MYO3B: variants seen among roughly 807,000 people sequenced by gnomAD.
The protein encoded by MYO3B is myosin IIIB.
In MYO3B, 156 loss-of-function variants were observed where a neutral mutation model predicts 174.6. The observed-to-expected ratio is 0.89, with a 90% confidence interval of 0.78 to 1.02. MYO3B has a LOEUF of 1.02. Among genes scored for constraint, MYO3B ranks in the 50% least tolerant of loss-of-function variants. MYO3B has a pLI of 0.00. For missense variants in MYO3B, 1,632 were observed against 1,639.4 expected, an observed-to-expected ratio of 1.00 and a Z score of 0.08; for synonymous variants, 563 against 569.1, an observed-to-expected ratio of 0.99 and a Z score of 0.15.
At chr2:170,254,303 C>T (rs930466941) in intron 7 of MYO3B, among the ~76,000 whole-genome samples, 4 of 152,202 alleles carry the variant, frequency 2.6e-5, no homozygotes, top group Non-Finnish European at 2.9e-5. Context: ...AGGTTACACT[C>T]ATGTGGGGCA....
Position 170,191,924 on chromosome 2 carries a change from C to T in MYO3B, c.3-7284C>T, listed in dbSNP as rs548733032. ...TGGTCATATTGCTCTGCCTGTAACT[C>T]GAGATTCTCCTATTGGCTGATTTTT... On this transcript the variant is annotated intron_variant, in intron 1 of 34. Coordinates refer to ENST00000408978, the MANE Select transcript of MYO3B (RefSeq NM_138995.5). Among the ~76,000 whole-genome samples, 6 of 152,210 alleles carry T rather than the reference C, an allele frequency of 3.9e-5. No homozygotes were observed. In the South Asian group the frequency reaches 6.2e-4, roughly 16 times the overall value.
chr2:170,653,433 C>G lies in MYO3B; in HGVS notation c.*312C>G. 1 of 308,426 alleles carries G rather than the reference C, an allele frequency of 3.2e-6. No individual in the cohort carries two copies. The highest frequency in any genetic ancestry group is 6.0e-6 in the Non-Finnish European group (1 of 166,146). The allele number at this position is 308,426 out of a possible 1,614,324, so 19.1% of individuals were successfully genotyped here. On this transcript the variant is annotated 3_prime_UTR_variant, in exon 35 of 35. Transcript: ENST00000408978. Reference sequence around the variant, plus strand: ...CCCCCAGTGTCTAGGAAGATAACAGCCAGTCTCACCCCAGTCTAATCATGG... The same window carrying G: ...CCCCCAGTGTCTAGGAAGATAACAGGCAGTCTCACCCCAGTCTAATCATGG...
At chr2:170,454,713 C>T (rs887346911) in intron 23 of MYO3B, among the ~76,000 whole-genome samples, 1 of 152,228 alleles carries the variant, frequency 6.6e-6, no homozygotes, top group African/African-American at 2.4e-5. Flanking sequence ...ACCTTGCCCA[C>T]TGCCTAGACA....
chr2:170,622,157 T>C (rs991596655), intron 32 of MYO3B, among the ~76,000 whole-genome samples: 1 of 152,230 alleles, frequency 6.6e-6, no homozygotes, highest in African/African-American at 2.4e-5. Flanking sequence ...GTTTCAACTT[T>C]CATGTAAGAA....
At chr2:170,234,630 G>C (rs915050373) in intron 6 of MYO3B, among the ~76,000 whole-genome samples, 26 of 152,186 alleles carry the variant, frequency 1.7e-4, no homozygotes, top group African/African-American at 6.3e-4. Context: ...CCATTTCGAA[G>C]TGTCCCAGGC....
At chr2:170,507,910 G>A (rs1374763730) in intron 28 of MYO3B, among the ~76,000 whole-genome samples, 1 of 152,168 alleles carries the variant, frequency 6.6e-6, no homozygotes. Flanking sequence ...TAGAATTTTT[G>A]TCATGGCATA....
intron 25 of MYO3B, among the ~76,000 whole-genome samples, chr2:170,496,636 TTA>T (rs1686867708): frequency 6.7e-6 from 1 of 148,570 alleles, no homozygotes; most frequent in Non-Finnish European, 1.5e-5. Flanking sequence ...ATACATATTT[TTA>T]TATATATGTA....
At chr2:170,402,445 G>C (rs1472937529) in intron 18 of MYO3B, among the ~76,000 whole-genome samples, 1 of 152,120 alleles carries the variant, frequency 6.6e-6, no homozygotes, top group African/African-American at 2.4e-5. Flanking sequence ...CCTAGGCGTA[G>C]TGGTTTCCTA....
intron 19 of MYO3B, among the ~76,000 whole-genome samples, chr2:170,403,363 C>T (rs759040421): frequency 5.3e-5 from 8 of 152,202 alleles, no homozygotes; most frequent in Admixed American, 5.2e-4. Flanking sequence ...AACTGCTACA[C>T]TAGCCCTCCC....
rs142143899 is a variant in MYO3B at position 170,467,502 on chromosome 2, T to G, written c.3014+791T>G. On this transcript the variant is annotated intron_variant, in intron 25 of 34. Transcript: ENST00000408978. ...ATGAATGTGATTACAAGTAGAATTT[T>G]CTGTGAAGAAATAAGGAAAACAGTA... is the stretch of plus-strand genomic sequence containing the variant. Among the ~76,000 whole-genome samples the G allele has an allele frequency of 6.7e-3, 1,005 of 149,844 alleles. 12 individuals are homozygous for G. Among genetic ancestry groups the G allele is most frequent in the African/African-American group, 0.023 (955 of 40,854 alleles).
At chr2:170,594,516 G>A (rs1158560592) in intron 32 of MYO3B, among the ~76,000 whole-genome samples, 1 of 152,116 alleles carries the variant, frequency 6.6e-6, no homozygotes, top group Non-Finnish European at 1.5e-5. Flanking sequence ...TCTGTCATTT[G>A]CAGCTAACAG....
intron 7 of MYO3B, among the ~76,000 whole-genome samples, chr2:170,270,170 T>C (rs2093415777): frequency 6.6e-6 from 1 of 152,218 alleles, no homozygotes; most frequent in South Asian, 2.1e-4. Context: ...GTTATTTTAC[T>C]TTTTCTATGC....
chr2:170,511,051 T>A (rs1439674234), intron 28 of MYO3B, among the ~76,000 whole-genome samples: 1 of 151,918 alleles, frequency 6.6e-6, no homozygotes, highest in African/African-American at 2.4e-5. Flanking sequence ...ATTTAGAGCA[T>A]TTTCCTTTTG....
intron 7 of MYO3B, among the ~76,000 whole-genome samples, chr2:170,259,924 C>T (rs2093332640): frequency 6.6e-6 from 1 of 150,980 alleles, no homozygotes; most frequent in Admixed American, 6.6e-5. Flanking sequence ...GAGATAGATA[C>T]ATCTCAGAAG....
At chr2:170,551,976 C>T (rs1159555646) in intron 32 of MYO3B, among the ~76,000 whole-genome samples, 1 of 152,180 alleles carries the variant, frequency 6.6e-6, no homozygotes, top group Non-Finnish European at 1.5e-5. Context: ...CCCCCTTCTG[C>T]CATGATTTTA....
chr2:170,607,258 T>G (rs1166403495), intron 32 of MYO3B, among the ~76,000 whole-genome samples: 1 of 152,232 alleles, frequency 6.6e-6, no homozygotes, highest in East Asian at 1.9e-4. Flanking sequence ...TAAGCTGTAG[T>G]ATCAGTTGGG....
At chr2:170,554,476 G>A (rs1691147432) in intron 32 of MYO3B, among the ~76,000 whole-genome samples, 1 of 152,222 alleles carries the variant, frequency 6.6e-6, no homozygotes, top group African/African-American at 2.4e-5. Flanking sequence ...GGGGAAAGTG[G>A]CCACAGATGT....
At chr2:170,296,003 T>C (rs1327308135) in intron 7 of MYO3B, among the ~76,000 whole-genome samples, 1 of 152,242 alleles carries the variant, frequency 6.6e-6, no homozygotes, top group Non-Finnish European at 1.5e-5. Context: ...CTGAAAATCA[T>C]ATAACTTTCT....
chr2:170,196,497 CAG>C (rs1187864367), intron 1 of MYO3B, among the ~76,000 whole-genome samples: 10 of 152,172 alleles, frequency 6.6e-5, no homozygotes, highest in Non-Finnish European at 1.0e-4. Flanking sequence ...GCCTGGGTGA[CAG>C]AGTGAGAGCC....
Sources: allele counts gnomAD v4.1 joint callset (sites outside exome capture counted in the v4.1 genomes callset), GRCh38; gene constraint gnomAD v4.1.1; transcripts MANE v1.5; gene names NCBI Gene and HGNC (gene_info 2026-07-23, HGNC 2026-07-21).